TBCE: variants seen among roughly 807,000 people sequenced by gnomAD.
TBCE encodes tubulin folding cofactor E, also known as tubulin-specific chaperone E.
Under a neutral mutation model 77.0 loss-of-function variants are expected in TBCE, and 53 were observed. The ratio of observed to expected loss-of-function variants is 0.69; its 90% CI spans 0.55 to 0.87. The LOEUF is 0.87. Among genes scored for constraint, TBCE ranks in the 40% least tolerant of loss-of-function variants. The pLI is 0.00. For missense variants in TBCE, 624 were observed against 622.4 expected (o/e 1.00, Z -0.03); for synonymous variants, 235 against 241.3 (o/e 0.97, Z 0.24).
chr1:235,433,918 T>C (rs929722383), intron 7 of TBCE: 5 of 492,704 alleles, frequency 1.0e-5, no homozygotes, highest in African/African-American at 9.6e-5. Context: ...TAGTATCTCC[T>C]GTTCCACCTC....
At chr1:235,418,394 T>G (rs1680216387) in intron 4 of TBCE, 1 of 152,242 alleles carries the variant, frequency 6.6e-6, no homozygotes, top group South Asian at 2.1e-4. Flanking sequence ...GAATTGGGAT[T>G]TGAACCCAGG....
intron 3 of TBCE, among the ~76,000 whole-genome samples, chr1:235,406,823 C>T (rs1679461219): frequency 7.1e-6 from 1 of 141,058 alleles, no homozygotes; most frequent in African/African-American, 2.7e-5. Context: ...AGCCACTGCT[C>T]CTGGGCTTTT....
intron 12 of TBCE, among the ~76,000 whole-genome samples, chr1:235,438,248 G>T (rs776898869): frequency 1.3e-5 from 2 of 152,146 alleles, no homozygotes; most frequent in South Asian, 2.1e-4. Flanking sequence ...GCAAGTACTC[G>T]CATGAATTAA....
intron 6 of TBCE, among the ~76,000 whole-genome samples, chr1:235,427,508 A>C (rs1680793815): frequency 6.6e-6 from 1 of 152,230 alleles, no homozygotes; most frequent in Admixed American, 6.5e-5. Flanking sequence ...AGATGCAGAC[A>C]GTTGAGCCAA....
chr1:235,443,967 A>C (rs1473178393), intron 15 of TBCE, among the ~76,000 whole-genome samples: 2 of 152,230 alleles, frequency 1.3e-5, no homozygotes, highest in African/African-American at 4.8e-5. Flanking sequence ...TCAAGATTAA[A>C]CTTGATTCAT....
chr1:235,432,532 C>T (rs530028636), intron 7 of TBCE, among the ~76,000 whole-genome samples: 2 of 152,212 alleles, frequency 1.3e-5, no homozygotes, highest in South Asian at 2.1e-4. Context: ...GCAATCCCAG[C>T]GCTTTGGGAG....
chr1:235,417,242 G>T (rs1680160152), intron 4 of TBCE, among the ~76,000 whole-genome samples: 2 of 152,170 alleles, frequency 1.3e-5, no homozygotes, highest in Non-Finnish European at 2.9e-5. Context: ...GTGCCAAGTT[G>T]ACCTGGCAAA....
intron 15 of TBCE, among the ~76,000 whole-genome samples, chr1:235,443,185 CATAT>C (rs1553340612): frequency 1.4e-5 from 2 of 139,748 alleles, no homozygotes; most frequent in African/African-American, 5.0e-5. Flanking sequence ...CACACACACA[CATAT>C]ATATATACAC....
At chr1:235,422,640 G>T (rs1338573182) in intron 5 of TBCE, among the ~76,000 whole-genome samples, 1 of 152,118 alleles carries the variant, frequency 6.6e-6, no homozygotes, top group Non-Finnish European at 1.5e-5. Context: ...GACCAGCCTG[G>T]CCAACGCGGT....
chr1:235,413,132 ATTTC>A (rs960305309), intron 3 of TBCE, among the ~76,000 whole-genome samples: 3 of 152,152 alleles, frequency 2.0e-5, no homozygotes, highest in Non-Finnish European at 4.4e-5. Flanking sequence ...AAAAGGTCTG[ATTTC>A]TTTCTTTAAG....
intron 3 of TBCE, among the ~76,000 whole-genome samples, chr1:235,403,516 C>T (rs1679247146): frequency 6.6e-6 from 1 of 152,106 alleles, no homozygotes; most frequent in Non-Finnish European, 1.5e-5. Flanking sequence ...TGTGAAAGGA[C>T]TTTTTATTTG....
At chr1:235,444,365 G>A (rs1484657788) in intron 15 of TBCE, among the ~76,000 whole-genome samples, 2 of 152,176 alleles carry the variant, frequency 1.3e-5, no homozygotes, top group Non-Finnish European at 2.9e-5. Context: ...CCCTGGTGGA[G>A]ACAGACTAGT....
In TBCE at chr1:235,426,793, G is replaced by A. The variant is rs181167455; in HGVS notation, c.461-347G>A. Among the ~76,000 whole-genome samples the A allele has an allele frequency of 2.5e-4, 38 of 152,238 alleles. 1 individual carries two copies. Among genetic ancestry groups the A allele is most frequent in the Admixed American group, 2.1e-3 (32 of 15,292 alleles). ...CCTGAGTAGCTGGAATTACGAGCGC[G>A]TGCCACCACACCTGGTTAATTTCTG... On this transcript the variant is annotated intron_variant, in intron 5 of 16. Coordinates refer to ENST00000642610, the MANE Select transcript of TBCE (RefSeq NM_003193.5).
intron 1 of TBCE, among the ~76,000 whole-genome samples, chr1:235,375,217 G>A (rs966578548): frequency 6.6e-6 from 1 of 151,924 alleles, no homozygotes; most frequent in Non-Finnish European, 1.5e-5. Flanking sequence ...ACTGTGCCTG[G>A]CCTAGAGATG....
At position 235,433,054 on chromosome 1, in the gene TBCE, A is replaced by G. The variant is rs1422401493; in HGVS notation, c.661-1150A>G. ...GAAATGCTCCACCAGCAACTGCATC[A>G]TCAGTGCCAAGGACCACACATCCAT... On this transcript the variant is annotated intron_variant, in intron 7 of 16. Coordinates refer to ENST00000642610, the MANE Select transcript of TBCE (RefSeq NM_003193.5). 1.9e-6 allele frequency: 3 copies of G among 1,553,316 alleles called. No individual in the cohort carries two copies. The Admixed American group carries it at 5.7e-5, about 29-fold the overall frequency.
intron 2 of TBCE, among the ~76,000 whole-genome samples, chr1:235,383,536 C>T (rs1207607346): frequency 6.6e-6 from 1 of 152,050 alleles, no homozygotes; most frequent in African/African-American, 2.4e-5. Context: ...CTTCATGTCC[C>T]TTGTAAGTTG....
rs147686335 is a variant in TBCE at position 235,388,649 on chromosome 1, T to A, written c.100+8500T>A. The stretch of plus-strand genomic sequence containing the variant: ...AGGTTCTTGACATATGTTGCCAAAT[T>A]GTTGTCTGCAAGTCAGTCAATGTCC... On this transcript the variant is annotated intron_variant, in intron 2 of 16. Transcript: ENST00000642610. Among the ~76,000 whole-genome samples the A allele has an allele frequency of 2.8e-3, 426 of 152,310 alleles. 1 individual carries two copies. Among genetic ancestry groups the A allele is most frequent in the African/African-American group, 9.9e-3 (410 of 41,574 alleles).
At chr1:235,446,266 T>TCCGGGTTCAAGCAACTCTC (rs1379278216) in intron 15 of TBCE, among the ~76,000 whole-genome samples, 1 of 152,010 alleles carries the variant, frequency 6.6e-6, no homozygotes, top group African/African-American at 2.4e-5. Flanking sequence ...AACTCTGCCT[T>TCCGGGTTCAAGCAACTCTC]CCGGGTTCAA....
intron 15 of TBCE, among the ~76,000 whole-genome samples, chr1:235,445,037 A>G (rs1474550367): frequency 6.6e-6 from 1 of 152,244 alleles, no homozygotes; most frequent in Admixed American, 6.5e-5. Context: ...TTTTGGGAAC[A>G]CCCACTGCAT....
Sources: gnomAD v4.1 joint callset for allele counts (sites outside exome capture counted in the v4.1 genomes callset) on GRCh38, gnomAD v4.1.1 for gene constraint, MANE v1.5 for transcripts, NCBI Gene and HGNC (gene_info 2026-07-23, HGNC 2026-07-21) for gene names.